The following GALNT13 variants were observed in gnomAD, a reference collection of about 807,000 sequenced individuals.
The protein encoded by GALNT13 is UDP-GalNAc:polypeptide N-acetylgalactosaminyltransferase 13.
Under a neutral mutation model 64.2 loss-of-function variants are expected in GALNT13, and 28 were observed. The observed-to-expected ratio is 0.44, with a 90% CI of 0.32 to 0.60. GALNT13 has a LOEUF of 0.60. GALNT13 is among the 20% of genes least tolerant of loss of function. The pLI is 0.05. For synonymous variants in GALNT13, 214 were observed against 224.6 expected, an observed-to-expected ratio of 0.95 and a Z score of 0.42; for missense variants, 577 against 669.8, an observed-to-expected ratio of 0.86 and a Z score of 1.53.
the GALNT13 span, among the ~76,000 whole-genome samples, chr2:153,675,343 A>C: frequency 6.6e-6 from 1 of 152,258 alleles, no homozygotes; most frequent in Non-Finnish European, 1.5e-5. Context: ...TGGCACATAT[A>C]CACCATGGAA....
chr2:154,059,269 G>C (rs1480563463), intron 3 of GALNT13, among the ~76,000 whole-genome samples: 3 of 152,192 alleles, frequency 2.0e-5, no homozygotes, highest in African/African-American at 7.2e-5. Context: ...TGAGAAAAAT[G>C]AAAGGAAGAT....
At chr2:154,327,417 A>G (rs1355767903) in intron 9 of GALNT13, among the ~76,000 whole-genome samples, 1 of 152,076 alleles carries the variant, frequency 6.6e-6, no homozygotes, top group Admixed American at 6.6e-5. Context: ...GTTCTGACTT[A>G]TTGTTTTTAA....
intron 8 of GALNT13, among the ~76,000 whole-genome samples, chr2:154,276,980 T>C (rs1691685834): frequency 6.6e-6 from 1 of 152,196 alleles, no homozygotes; most frequent in South Asian, 2.1e-4. Flanking sequence ...TAAACCTCTT[T>C]CCTTTATAAA....
chr2:153,196,319 C>T, the GALNT13 span, among the ~76,000 whole-genome samples: 4 of 152,192 alleles, frequency 2.6e-5, no homozygotes, highest in African/African-American at 7.2e-5. Context: ...TCAGATTCCC[C>T]CTGTATGCTT....
chr2:153,089,619 G>T, the GALNT13 span, among the ~76,000 whole-genome samples: 2 of 151,394 alleles, frequency 1.3e-5, no homozygotes, highest in Non-Finnish European at 1.5e-5. Context: ...ATTATTCTTT[G>T]GTTTGGTATT....
intron 1 of GALNT13, among the ~76,000 whole-genome samples, chr2:153,879,634 A>G (rs982302799): frequency 1.3e-5 from 2 of 151,822 alleles, no homozygotes; most frequent in East Asian, 1.9e-4. Flanking sequence ...CAGCCTCCCA[A>G]TGTACTGGGA....
At chr2:153,182,398 A>C in the GALNT13 span, among the ~76,000 whole-genome samples, 9 of 152,208 alleles carry the variant, frequency 5.9e-5, no homozygotes, top group Non-Finnish European at 8.8e-5. Flanking sequence ...TTTAGAAATA[A>C]TATAAATTTT....
At position 154,420,680 on chromosome 2, in the gene GALNT13, C is replaced by T. The variant is rs532956468; in HGVS notation, c.1395+11598C>T. Among the ~76,000 whole-genome samples, 4 of 152,142 alleles carry T rather than the reference C, an allele frequency of 2.6e-5. No homozygotes were observed. The South Asian group carries it at 6.2e-4, about 24-fold the overall frequency. On this transcript the variant is annotated intron_variant, in intron 11 of 12. Transcript: ENST00000392825. ...CATCACCCTTAGACTAGCTGTATGCCTATTTTTCATCAAGGACATAATTAT... is the reference window on the plus strand; with the variant it reads ...CATCACCCTTAGACTAGCTGTATGCTTATTTTTCATCAAGGACATAATTAT...
chr2:153,853,581 A>T, the GALNT13 span, among the ~76,000 whole-genome samples: 2 of 152,234 alleles, frequency 1.3e-5, no homozygotes, highest in South Asian at 4.1e-4. Context: ...ATGCATAGAA[A>T]CATAGATACA....
intron 1 of GALNT13, among the ~76,000 whole-genome samples, chr2:153,890,916 G>T (rs941531700): frequency 7.2e-5 from 11 of 151,912 alleles, no homozygotes; most frequent in Non-Finnish European, 4.4e-5. Flanking sequence ...CTTAACTGTG[G>T]TTCCCCTTGA....
intron 3 of GALNT13, among the ~76,000 whole-genome samples, chr2:153,965,782 T>C (rs1693290462): frequency 1.4e-5 from 2 of 147,676 alleles, no homozygotes; most frequent in Non-Finnish European, 3.0e-5. Flanking sequence ...CTGGTCACAA[T>C]GAAAAGGAAA....
At chr2:153,231,283 G>A in the GALNT13 span, among the ~76,000 whole-genome samples, 1 of 152,080 alleles carries the variant, frequency 6.6e-6, no homozygotes, top group Non-Finnish European at 1.5e-5. Context: ...AAAAAATAGA[G>A]GCAAATTAGC....
chr2:153,451,176 A>G, the GALNT13 span, among the ~76,000 whole-genome samples: 2 of 152,156 alleles, frequency 1.3e-5, no homozygotes, highest in Non-Finnish European at 2.9e-5. Flanking sequence ...ATAACCTCAG[A>G]AAATATATTT....
At chr2:153,679,061 G>A in the GALNT13 span, among the ~76,000 whole-genome samples, 4 of 151,922 alleles carry the variant, frequency 2.6e-5, 1 homozygote, top group Non-Finnish European at 4.4e-5. Context: ...CATGATTGAG[G>A]TTGTGAGAGA....
At chr2:153,842,877 A>T in the GALNT13 span, among the ~76,000 whole-genome samples, 1 of 152,172 alleles carries the variant, frequency 6.6e-6, no homozygotes, top group African/African-American at 2.4e-5. Flanking sequence ...TTCCAGTTTT[A>T]TCAAGAAACT....
At chr2:153,273,754 A>G in the GALNT13 span, among the ~76,000 whole-genome samples, 1 of 152,208 alleles carries the variant, frequency 6.6e-6, no homozygotes, top group Non-Finnish European at 1.5e-5. Flanking sequence ...TTTTTCATTT[A>G]GTTGTCTCCA....
the GALNT13 span, among the ~76,000 whole-genome samples, chr2:153,385,082 G>C: frequency 1.3e-5 from 2 of 151,912 alleles, no homozygotes; most frequent in Non-Finnish European, 2.9e-5. Flanking sequence ...ATACACTGTT[G>C]GTAGCAATGT....
At chr2:154,218,099 T>C (rs548310097) in intron 4 of GALNT13, among the ~76,000 whole-genome samples, 1 of 152,188 alleles carries the variant, frequency 6.6e-6, no homozygotes, top group East Asian at 1.9e-4. Flanking sequence ...AATAATAATA[T>C]CAATTTGACA....
At chr2:154,165,529 C>T (rs1363882460) in intron 4 of GALNT13, among the ~76,000 whole-genome samples, 2 of 152,084 alleles carry the variant, frequency 1.3e-5, no homozygotes, top group Non-Finnish European at 2.9e-5. Flanking sequence ...ATTTAATCAT[C>T]TTAAGATGTG....
Sources: gnomAD v4.1 joint callset for allele counts (sites outside exome capture counted in the v4.1 genomes callset) on GRCh38, gnomAD v4.1.1 for gene constraint, MANE v1.5 for transcripts, NCBI Gene and HGNC (gene_info 2026-07-23, HGNC 2026-07-21) for gene names.